FDX2: variants seen among roughly 807,000 people sequenced by gnomAD.
FDX2 encodes the protein ferredoxin 2.
In FDX2, 13 loss-of-function variants were observed where a neutral mutation model predicts 18.5. That is an observed-to-expected ratio of 0.70 (90% CI 0.46 to 1.12). The LOEUF is 1.12. Among genes scored for constraint, FDX2 ranks in the 50% most tolerant of loss-of-function variants. FDX2 has a pLI of 0.00. For synonymous variants in FDX2, 132 were observed against 106.2 expected, an observed-to-expected ratio of 1.24 and a Z score of -1.49; for missense variants, 238 against 250.4, an observed-to-expected ratio of 0.95 and a Z score of 0.34.
chr19:10,310,958 A>G lies in FDX2; in HGVS notation c.317-18T>C, dbSNP rs535648237. On this transcript the variant is annotated intron_variant, in intron 3 of 4. Transcript: ENST00000393708. ...ACAGGCCCCTAGGGGTGGGAAGTGA[A>G]GGGGGCGCAGGTGAGTGGCAGAGTC... is the stretch of plus-strand genomic sequence containing the variant. The G allele has an allele frequency of 1.9e-6, 3 of 1,586,788 alleles. No homozygotes were observed. Among genetic ancestry groups the G allele is most frequent in the Non-Finnish European group, 1.7e-6 (2 of 1,160,772 alleles).
chr19:10,313,671 A>ATAT (rs1361901597), intron 3 of FDX2, among the ~76,000 whole-genome samples: 1 of 45,412 alleles, frequency 2.2e-5, no homozygotes, highest in Non-Finnish European at 3.5e-5. Context: ...ATATATATAT[A>ATAT]TTTTTTTTTT....
chr19:10,310,933 A>G lies in FDX2; in HGVS notation c.324T>C (p.Cys108=), dbSNP rs2145048350. 1 of 1,611,732 alleles carries G rather than the reference A, an allele frequency of 6.2e-7. No homozygotes were observed. The highest frequency in any genetic ancestry group is 8.5e-7 in the Non-Finnish European group (1 of 1,178,848). Residue 108 remains cysteine (C), a synonymous_variant, in exon 4 of 5, where the codon TGT becomes TGC. Coordinates refer to ENST00000393708, the MANE Select transcript of FDX2 (RefSeq NM_001031734.4). ...AGGTGGAGCAGGCCAGGGAGGCTTCACAGGCCCCTAGGGGTGGGAAGTGAA... is the reference window on the plus strand; with the variant it reads ...AGGTGGAGCAGGCCAGGGAGGCTTCGCAGGCCCCTAGGGGTGGGAAGTGAA...
intron 3 of FDX2, among the ~76,000 whole-genome samples, chr19:10,314,694 G>A (rs1314729620): frequency 6.6e-6 from 1 of 152,222 alleles, no homozygotes; most frequent in African/African-American, 2.4e-5. Context: ...TTACACTGAG[G>A]TCTGAAGGAT....
intron 3 of FDX2, among the ~76,000 whole-genome samples, chr19:10,311,242 G>C (rs1199832731): frequency 6.6e-6 from 1 of 152,142 alleles, no homozygotes. Flanking sequence ...TAGCTGAGAG[G>C]GGAAAGGCCA....
intron 3 of FDX2, among the ~76,000 whole-genome samples, chr19:10,313,084 G>A (rs967460399): frequency 6.6e-6 from 1 of 152,232 alleles, no homozygotes; most frequent in Non-Finnish European, 1.5e-5. Context: ...GTTGCAGTAA[G>A]CCAAGATCAT....
intron 3 of FDX2, among the ~76,000 whole-genome samples, chr19:10,311,240 A>C (rs2040320746): frequency 6.6e-6 from 1 of 152,032 alleles, no homozygotes; most frequent in South Asian, 2.1e-4. Flanking sequence ...GGTAGCTGAG[A>C]GGGGAAAGGC....
intron 3 of FDX2, among the ~76,000 whole-genome samples, chr19:10,313,973 C>G (rs147919980): frequency 3.5e-5 from 5 of 142,618 alleles, no homozygotes; most frequent in African/African-American, 7.9e-5. Context: ...CGTGAGCCAC[C>G]GCGCCTGGCC....
At chr19:10,314,769 C>T (rs2040360095) in intron 3 of FDX2, among the ~76,000 whole-genome samples, 1 of 151,994 alleles carries the variant, frequency 6.6e-6, no homozygotes, top group East Asian at 1.9e-4. Context: ...ATGTAAAGGC[C>T]CCGAAGCAGG....
intron 3 of FDX2, among the ~76,000 whole-genome samples, chr19:10,312,899 G>A (rs1349750109): frequency 9.2e-5 from 14 of 152,176 alleles, no homozygotes. Context: ...CACTTTGGGA[G>A]GCCAAGGCAG....
chr19:10,314,930 G>A (rs1188748646), intron 3 of FDX2, among the ~76,000 whole-genome samples: 1 of 152,066 alleles, frequency 6.6e-6, no homozygotes, highest in Non-Finnish European at 1.5e-5. Flanking sequence ...GTGAAACCCC[G>A]TCTCTACTAA....
rs1409375892 is a variant in FDX2 at position 10,315,691 on chromosome 19, C to G, written c.209+14G>C. 1.3e-6 allele frequency: 2 copies of G among 1,546,354 alleles called. No homozygotes were observed. Among genetic ancestry groups the G allele is most frequent in the South Asian group, 1.2e-5 (1 of 83,728 alleles). The stretch of plus-strand genomic sequence containing the variant: ...GTGGGATGAGGAATGGGGGACTTGG[C>G]CCCCTGCACTCACACGTCCCCGGGC... On this transcript the variant is annotated intron_variant, in intron 2 of 4. Transcript: ENST00000393708.
At chr19:10,313,671 A>ATATT (rs1361901597) in intron 3 of FDX2, among the ~76,000 whole-genome samples, 1 of 45,412 alleles carries the variant, frequency 2.2e-5, no homozygotes, top group African/African-American at 1.1e-4. Flanking sequence ...ATATATATAT[A>ATATT]TTTTTTTTTT....
intron 3 of FDX2, among the ~76,000 whole-genome samples, chr19:10,311,850 C>T (rs1223325177): frequency 6.7e-6 from 1 of 149,876 alleles, no homozygotes; most frequent in African/African-American, 2.5e-5. Context: ...CATGTGCGCA[C>T]CACCACACCT....
chr19:10,315,612 G>A (rs376974171), intron 2 of FDX2, 93 bp downstream of exon 2: 3 of 1,518,290 alleles, frequency 2.0e-6, no homozygotes, highest in African/African-American at 1.4e-5. Flanking sequence ...GGGCAAAGCA[G>A]AAGGGGGACC....
In FDX2 at chr19:10,312,607, A is replaced by C. The variant is rs567406152; in HGVS notation, c.317-1667T>G. Among the ~76,000 whole-genome samples the C allele has an allele frequency of 1.2e-3, 182 of 152,104 alleles. 1 individual carries two copies. The highest frequency in any genetic ancestry group is 4.2e-3 in the African/African-American group (175 of 41,518). Reference sequence around the variant, plus strand: ...GACTGCAGTGGCGTGATCTCGGCTCACTACAAGCTCCGCTTCCCGGATTCA... The same window carrying C: ...GACTGCAGTGGCGTGATCTCGGCTCCCTACAAGCTCCGCTTCCCGGATTCA... On this transcript the variant is annotated intron_variant, in intron 3 of 4. Coordinates refer to ENST00000393708, the MANE Select transcript of FDX2 (RefSeq NM_001031734.4).
At position 10,310,321 on chromosome 19, in the gene FDX2, C is replaced by G; in HGVS notation, c.*165G>C. 4 of 1,025,992 alleles carry G rather than the reference C, an allele frequency of 3.9e-6. No homozygotes were observed. The highest frequency in any genetic ancestry group is 5.6e-6 in the Non-Finnish European group (4 of 713,450). 63.6% of individuals were successfully genotyped at this position (1,025,992 alleles called of 1,614,324 possible). ...ACCCCACTAGGGGCCCTGTCCCCAC[C>G]AGAGCCTGGACATGGGACTCTCTCC... is the stretch of plus-strand genomic sequence containing the variant. On this transcript the variant is annotated 3_prime_UTR_variant, in exon 5 of 5. Transcript: ENST00000393708.
chr19:10,313,963 C>A lies in FDX2; in HGVS notation c.316+1423G>T, dbSNP rs1351349676. 3.3e-5 allele frequency among the ~76,000 whole-genome samples: 5 copies of A among 150,674 alleles called. No individual in the cohort carries two copies. In the South Asian group the frequency reaches 1.0e-3, roughly 32 times the overall value. On this transcript the variant is annotated intron_variant, in intron 3 of 4. Transcript: ENST00000393708. ...CCTCCCAAAGTGCTGGGATTACAGGCGTGAGCCACCGCGCCTGGCCTTTTT... is the reference window on the plus strand; with the variant it reads ...CCTCCCAAAGTGCTGGGATTACAGGAGTGAGCCACCGCGCCTGGCCTTTTT...
At position 10,310,325 on chromosome 19, in the gene FDX2, G is replaced by T; in HGVS notation, c.*161C>A. On this transcript the variant is annotated 3_prime_UTR_variant, in exon 5 of 5. Coordinates refer to ENST00000393708, the MANE Select transcript of FDX2 (RefSeq NM_001031734.4). Reference sequence around the variant, plus strand: ...CACTAGGGGCCCTGTCCCCACCAGAGCCTGGACATGGGACTCTCTCCCAAG... The same window carrying T: ...CACTAGGGGCCCTGTCCCCACCAGATCCTGGACATGGGACTCTCTCCCAAG... 9.6e-7 allele frequency: 1 copy of T among 1,046,770 alleles called. No homozygotes were observed. The highest frequency in any genetic ancestry group is 1.6e-5 in the South Asian group (1 of 61,308). 64.8% of individuals were successfully genotyped at this position (1,046,770 alleles called of 1,614,324 possible). A position where few individuals can be genotyped will look rare whatever the true frequency, so the allele number is the denominator to read the frequency against.
chr19:10,315,761 T>C lies in FDX2; in HGVS notation c.155-2A>G, dbSNP rs778992594. 1.9e-5 allele frequency: 30 copies of C among 1,599,108 alleles called. No individual in the cohort carries two copies. Among genetic ancestry groups the C allele is most frequent in the South Asian group, 1.8e-4 (16 of 89,490 alleles). ...CCTCCTCTCCAGCCGGGCGCGAGCC[T>C]GGAAAACACGGTTCGGTGAGCGGCT... On this transcript the variant is annotated splice_acceptor_variant, in intron 1 of 4. Transcript: ENST00000393708. LOFTEE classifies it high-confidence loss of function.
Sources: allele counts gnomAD v4.1 joint callset (sites outside exome capture counted in the v4.1 genomes callset), GRCh38; gene constraint gnomAD v4.1.1; transcripts MANE v1.5; gene names NCBI Gene and HGNC (gene_info 2026-07-23, HGNC 2026-07-21).